The following TULP4 variants were observed in gnomAD, a reference collection of about 807,000 sequenced individuals.
The protein encoded by TULP4 is tubby-related protein 4.
A neutral mutation model predicts 129.0 loss-of-function variants in TULP4; 16 were observed. The observed-to-expected ratio is 0.12, with a 90% CI of 0.08 to 0.19. The LOEUF (loss-of-function observed/expected upper bound fraction) is 0.19, where lower values mean the gene tolerates loss of function less well. Ranked by LOEUF, TULP4 falls within the 10% of genes least tolerant of loss-of-function variation. The probability of loss-of-function intolerance (pLI) is 1.00; values close to 1 mark genes in which losing one functional copy is unlikely to be tolerated. For missense variants in TULP4, 1,842 were observed against 2,059.1 expected, an observed-to-expected ratio of 0.89 and a Z score of 2.04; for synonymous variants, 998 against 854.0, an observed-to-expected ratio of 1.17 and a Z score of -2.94.
chr6:158,344,037 C>T (rs1780246666), intron 1 of TULP4, among the ~76,000 whole-genome samples: 2 of 152,304 alleles, frequency 1.3e-5, no homozygotes, highest in South Asian at 4.1e-4. Context: ...CTTCCCCACC[C>T]TAACTGATCA....
chr6:158,503,744 G>T lies in TULP4; in HGVS notation c.4081G>T (p.Glu1361Ter). Residue 1361 changes from glutamate to a stop codon, truncating the protein, a stop_gained, in exon 13 of 14, where the codon GAG becomes TAG. Coordinates refer to ENST00000367097, the MANE Select transcript of TULP4 (RefSeq NM_020245.5). LOFTEE classifies it high-confidence loss of function. This position sits in a 1 kb window ranked among gnomAD's most constrained non-coding sequence, Gnocchi z 4.3. ...CATCACTGAGGGCAAAGTGAAGAAG[G>T]AGGCTAGGACTTTGAGTGACTTTAA... ...QAITEGKVKK[E>*]ARTLSDFNSL... 1 of 1,614,142 alleles carries T rather than the reference G, an allele frequency of 6.2e-7. No individual in the cohort carries two copies. The highest frequency in any genetic ancestry group is 8.5e-7 in the Non-Finnish European group (1 of 1,180,050).
intron 1 of TULP4, among the ~76,000 whole-genome samples, chr6:158,288,917 A>G (rs1411065099): frequency 1.3e-5 from 2 of 152,234 alleles, no homozygotes; most frequent in East Asian, 3.8e-4. Flanking sequence ...ATTAGTAGAC[A>G]AACAGATTTT....
intron 1 of TULP4, among the ~76,000 whole-genome samples, chr6:158,286,883 G>A (rs1778843938): frequency 6.6e-6 from 1 of 152,098 alleles, no homozygotes; most frequent in Admixed American, 6.5e-5. Context: ...AACATAATAG[G>A]ACTTGTAATT....
In TULP4 at chr6:158,493,455, A is replaced by C. The variant is rs1582877910; in HGVS notation, c.1632-118A>C. The stretch of plus-strand genomic sequence containing the variant: ...TTTGTTAAATTCGGGCACTGGCTGC[A>C]GGGTGAGAACCCAACACCCAGGCTG... On this transcript the variant is annotated intron_variant, in intron 9 of 13. Coordinates refer to ENST00000367097, the MANE Select transcript of TULP4 (RefSeq NM_020245.5). This position sits in a 1 kb window ranked among gnomAD's most constrained non-coding sequence, Gnocchi z 4.4. 2 of 1,099,402 alleles carry C rather than the reference A, an allele frequency of 1.8e-6. No homozygotes were observed. The highest frequency in any genetic ancestry group is 2.9e-5 in the East Asian group (1 of 34,662). The allele number at this position is 1,099,402 out of a possible 1,614,324, so 68.1% of individuals were successfully genotyped here. A position where few individuals can be genotyped will look rare whatever the true frequency, so the allele number is the denominator to read the frequency against.
intron 1 of TULP4, among the ~76,000 whole-genome samples, chr6:158,370,117 C>G (rs556941963): frequency 6.6e-6 from 1 of 152,092 alleles, no homozygotes; most frequent in Non-Finnish European, 1.5e-5. Flanking sequence ...GAGGCTGACA[C>G]AGGAAGATCA....
chr6:158,252,498 C>T (rs1027494598), intron 1 of TULP4, among the ~76,000 whole-genome samples: 2 of 152,202 alleles, frequency 1.3e-5, no homozygotes, highest in East Asian at 1.9e-4. Flanking sequence ...GTCTCAGCCT[C>T]CCAAGTGGCT....
Position 158,239,067 on chromosome 6 carries a change from C to CCCT in TULP4, n.68+6764_68+6765insCCT, listed in dbSNP as rs1389433166. ...TGGCCGGGCGGGGGGCTGACCCCCC[C>CCCT]ACCTCCCTCCCGGACGGGGCGGCTG... On this transcript the variant is annotated intron_variant and non_coding_transcript_variant, in intron 1 of 1. Transcript: ENST00000620026. 5.6e-5 allele frequency among the ~76,000 whole-genome samples: 6 copies of CCCT among 107,802 alleles called. No individual in the cohort carries two copies. The East Asian group carries it at 1.6e-3, about 28-fold the overall frequency. The allele number at this position is 107,802 out of a possible 152,430, so 70.7% of individuals were successfully genotyped here.
Position 158,449,045 on chromosome 6 carries a change from G to A in TULP4, c.593G>A (p.Gly198Asp). The A allele has an allele frequency of 6.2e-7, 1 of 1,613,928 alleles. No individual in the cohort carries two copies. The highest frequency in any genetic ancestry group is 8.5e-7 in the Non-Finnish European group (1 of 1,179,848). ...CAGGTGATTGTCATGGATTGCCACG[G>A]CAGAATGCTGGCCCACGTCCTCTTG... ...DGQVIVMDCH[G>D]RMLAHVLLHE... Residue 198 changes from glycine to aspartate, a missense_variant, in exon 4 of 14, where the codon GGC becomes GAC. Gly to Asp is a moderately conservative substitution (Grantham distance 94). Transcript: ENST00000367097.
At chr6:158,485,808 G>A (rs1406145484) in intron 8 of TULP4, among the ~76,000 whole-genome samples, 5 of 152,236 alleles carry the variant, frequency 3.3e-5, no homozygotes, top group African/African-American at 1.2e-4. Flanking sequence ...GGATTTGCTT[G>A]GAACCTGTCA....
chr6:158,282,142 A>G (rs1251225319), upstream of TULP4: 2 of 152,100 alleles, frequency 1.3e-5, no homozygotes, highest in African/African-American at 2.4e-5. Context: ...GGAAAGAGTC[A>G]TGTTTCTAAT....
intron 2 of TULP4, among the ~76,000 whole-genome samples, chr6:158,419,415 T>G (rs149995919): frequency 6.1e-4 from 93 of 152,280 alleles, no homozygotes; most frequent in African/African-American, 2.2e-3. Context: ...TAGATAAGAT[T>G]AAAAAGAAAC....
At chr6:158,290,638 T>C (rs1562507572) in intron 1 of TULP4, among the ~76,000 whole-genome samples, 1 of 152,208 alleles carries the variant, frequency 6.6e-6, no homozygotes, top group East Asian at 1.9e-4. Flanking sequence ...ACTTTATTTC[T>C]AGTTTTTTAG....
chr6:158,492,850 T>G (rs1359712257), intron 9 of TULP4, among the ~76,000 whole-genome samples: 2 of 152,220 alleles, frequency 1.3e-5, no homozygotes, highest in East Asian at 3.8e-4. Flanking sequence ...ATTAAACATG[T>G]GTGTCTCCAT....
chr6:158,449,574 T>C lies in TULP4; in HGVS notation c.724+398T>C, dbSNP rs148279532. 2.3e-3 allele frequency among the ~76,000 whole-genome samples: 343 copies of C among 152,324 alleles called. 1 individual carries two copies. Among genetic ancestry groups the C allele is most frequent in the African/African-American group, 7.6e-3 (317 of 41,562 alleles). ...ATGTGATATATCCAAATCCCCAATGTTATTAAAGCCCGCGGCTTTAGGTGC... is the reference window on the plus strand; with the variant it reads ...ATGTGATATATCCAAATCCCCAATGCTATTAAAGCCCGCGGCTTTAGGTGC... On this transcript the variant is annotated intron_variant, in intron 4 of 13. Transcript: ENST00000367097.
At position 158,337,318 on chromosome 6, in the gene TULP4, A is replaced by G. The variant is rs142190203; in HGVS notation, c.252+23050A>G. ...CTATTTTTTTGTATTTTTTGTAGAG[A>G]TGGGGTTTCACCATGTTGCCCAAAC... On this transcript the variant is annotated intron_variant, in intron 1 of 13. Coordinates refer to ENST00000367097, the MANE Select transcript of TULP4 (RefSeq NM_020245.5). 9.2e-3 allele frequency among the ~76,000 whole-genome samples: 1,398 copies of G among 151,270 alleles called. 14 individuals are homozygous for G. The highest frequency in any genetic ancestry group is 0.012 in the Non-Finnish European group (781 of 67,784).
At chr6:158,438,224 C>T (rs775144639) in intron 3 of TULP4, 4 of 152,058 alleles carry the variant, frequency 2.6e-5, no homozygotes, top group Admixed American at 6.6e-5. Context: ...CTTTCTTTTT[C>T]TTCTTCTTTG....
chr6:158,470,425 C>T (rs1457365981), intron 6 of TULP4, among the ~76,000 whole-genome samples: 5 of 152,248 alleles, frequency 3.3e-5, no homozygotes, highest in African/African-American at 7.2e-5. Context: ...GTTTATATCC[C>T]GATCCTTGTC....
At position 158,508,327 on chromosome 6, in the gene TULP4, AAGT is replaced by A. The variant is rs1043874385; in HGVS notation, c.*1635_*1637del. ...CAGACAAGTAGAAGATGCTACAGAA[AAGT>A]ATTTTCAAATTTAAACGTTTTTTAA... On this transcript the variant is annotated 3_prime_UTR_variant, in exon 14 of 14. Coordinates refer to ENST00000367097, the MANE Select transcript of TULP4 (RefSeq NM_020245.5). 3 of 152,178 alleles carry A rather than the reference AAGT, an allele frequency of 2.0e-5. No individual in the cohort carries two copies. The highest frequency in any genetic ancestry group is 2.0e-4 in the Admixed American group (3 of 15,278). The allele number at this position is 152,178 out of a possible 1,614,324, so 9.4% of individuals were successfully genotyped here.
intron 1 of TULP4, among the ~76,000 whole-genome samples, chr6:158,292,949 C>T (rs1778970260): frequency 6.6e-6 from 1 of 152,078 alleles, no homozygotes; most frequent in Non-Finnish European, 1.5e-5. Flanking sequence ...AAATAAAATG[C>T]CCCCCTTTTT....
Sources: allele counts gnomAD v4.1 joint callset (sites outside exome capture counted in the v4.1 genomes callset), GRCh38; gene constraint gnomAD v4.1.1; non-coding constraint Gnocchi (gnomAD v3.1); transcripts MANE v1.5; gene names NCBI Gene and HGNC (gene_info 2026-07-23, HGNC 2026-07-21).